The following DDIT3 variants were observed in gnomAD, a reference collection of about 807,000 sequenced individuals.
The protein encoded by DDIT3 is DNA damage inducible transcript 3.
In DDIT3, 14 loss-of-function variants were observed where a neutral mutation model predicts 17.6. That is an observed-to-expected ratio of 0.80 (90% CI 0.53 to 1.25). DDIT3 has a LOEUF of 1.25. Ranked by LOEUF, DDIT3 falls within the 50% of genes most tolerant of loss-of-function variation. The pLI is 0.00. For synonymous variants in DDIT3, 93 were observed against 76.5 expected (o/e 1.22, Z -1.13); for missense variants, 216 against 202.7 (o/e 1.07, Z -0.40).
At position 57,517,187 on chromosome 12, in the gene DDIT3, G is replaced by C; in HGVS notation, c.139-7C>G. On this transcript the variant is annotated splice_region_variant and splice_polypyrimidine_tract_variant and intron_variant, in intron 3 of 3. Coordinates refer to ENST00000346473, the MANE Select transcript of DDIT3 (RefSeq NM_004083.6). Reference sequence around the variant, plus strand: ...TGAAGATTTTTGATTCTTCCTTCAAGGAAATGAGGAAAGGGAACATAGATA... The same window carrying C: ...TGAAGATTTTTGATTCTTCCTTCAACGAAATGAGGAAAGGGAACATAGATA... 6.2e-7 allele frequency: 1 copy of C among 1,606,952 alleles called. No homozygotes were observed. The highest frequency in any genetic ancestry group is 8.5e-7 in the Non-Finnish European group (1 of 1,175,060).
chr12:57,517,075 A>G lies in DDIT3; in HGVS notation c.244T>C (p.Ser82Pro). The change falls in exon 4 of 4, where the codon TCT becomes CCT. Residue 82 changes from serine to proline, a missense_variant. Physicochemically the swap from Ser to Pro is moderately conservative, Grantham distance 74. Coordinates refer to ENST00000346473, the MANE Select transcript of DDIT3 (RefSeq NM_004083.6). ...EVTSTSQSPH[S>P]PDSSQSSLAQ... ...AGGGAGCTCTGACTGGAATCTGGAG[A>G]GTGAGGGCTCTGGGAGGTGCTTGTG... 1 of 1,613,796 alleles carries G rather than the reference A, an allele frequency of 6.2e-7. No individual in the cohort carries two copies. The highest frequency in any genetic ancestry group is 1.1e-5 in the South Asian group (1 of 91,068).
chr12:57,520,492 T>C lies in DDIT3; in HGVS notation c.-155A>G, dbSNP rs1878230830. The C allele has an allele frequency of 5.0e-6, 2 of 398,532 alleles. No homozygotes were observed. Among genetic ancestry groups the C allele is most frequent in the South Asian group, 1.3e-4 (1 of 7,874 alleles). The allele number at this position is 398,532 out of a possible 1,614,324, so 24.7% of individuals were successfully genotyped here. A position where few individuals can be genotyped will look rare whatever the true frequency, so the allele number is the denominator to read the frequency against. ...CTCATCTTTAACATGATACGCTCAGTGCCTTAGACTTAAGTCTCTGACCTC... is the reference window on the plus strand; with the variant it reads ...CTCATCTTTAACATGATACGCTCAGCGCCTTAGACTTAAGTCTCTGACCTC... On this transcript the variant is annotated 5_prime_UTR_variant, in exon 1 of 4. Transcript: ENST00000346473.
chr12:57,518,417 A>G (rs1190139048), intron 1 of DDIT3, among the ~76,000 whole-genome samples: 1 of 152,222 alleles, frequency 6.6e-6, no homozygotes, highest in Non-Finnish European at 1.5e-5. Context: ...CTCCAAATGT[A>G]CATTTCCAGT....
chr12:57,517,333 A>C lies in DDIT3; in HGVS notation c.74T>G (p.Leu25Arg). The C allele has an allele frequency of 6.2e-7, 1 of 1,614,036 alleles. No individual in the cohort carries two copies. Among genetic ancestry groups the C allele is most frequent in the Non-Finnish European group, 8.5e-7 (1 of 1,180,028 alleles). The change falls in exon 3 of 4, where the codon CTG becomes CGG. Residue 25 changes from leucine to arginine, a missense_variant. Transcript: ENST00000346473. ...SWELEAWYED[L>R]QEVLSSDENG... is the part of the protein sequence containing the mutation. ...TTCATCTGAAGACAGGACCTCTTGC[A>C]GGTCCTCATACCAGGCTTCCAGCTC...
rs1196505081 is a variant in DDIT3 at position 57,517,181 on chromosome 12, C to A, written c.139-1G>T. ...GAGTGGTGAAGATTTTTGATTCTTC[C>A]TTCAAGGAAATGAGGAAAGGGAACA... On this transcript the variant is annotated splice_acceptor_variant, in intron 3 of 3. Transcript: ENST00000346473. LOFTEE classifies it high-confidence loss of function. 1 of 1,606,708 alleles carries A rather than the reference C, an allele frequency of 6.2e-7. No homozygotes were observed. The highest frequency in any genetic ancestry group is 1.3e-5 in the African/African-American group (1 of 74,656).
chr12:57,520,263 G>T (rs1160211721), intron 1 of DDIT3, among the ~76,000 whole-genome samples, 155 bp downstream of exon 1: 1 of 152,186 alleles, frequency 6.6e-6, no homozygotes, highest in East Asian at 1.9e-4. Flanking sequence ...AGCAATAGGG[G>T]TTTGTAAGCA....
rs1368059244 is a variant in DDIT3 at position 57,516,873 on chromosome 12, G to C, written c.446C>G (p.Thr149Ser). The C allele has an allele frequency of 6.2e-7, 1 of 1,613,548 alleles. No individual in the cohort carries two copies. Among genetic ancestry groups the C allele is most frequent in the South Asian group, 1.1e-5 (1 of 91,088 alleles). The part of the protein sequence containing the change: ...ERLKQEIERL[T>S]REVEATRRAL... ...TCGGCGAGTCGCCTCTACTTCCCTG[G>C]TCAGGCGCTCGATTTCCTGCTTGAG... The change falls in exon 4 of 4, where the codon ACC becomes AGC. Residue 149 changes from threonine to serine, a missense_variant. Physicochemically the swap from Thr to Ser is moderately conservative, Grantham distance 58. Transcript: ENST00000346473.
intron 1 of DDIT3, among the ~76,000 whole-genome samples, chr12:57,519,434 C>T (rs909327840): frequency 2.2e-4 from 33 of 152,170 alleles, no homozygotes; most frequent in African/African-American, 7.7e-4. Flanking sequence ...CTGTGTGGCA[C>T]ACAGTAGGTC....
chr12:57,516,895 T>C lies in DDIT3; in HGVS notation c.424A>G (p.Lys142Glu). 1 of 1,614,106 alleles carries C rather than the reference T, an allele frequency of 6.2e-7. No individual in the cohort carries two copies. The highest frequency in any genetic ancestry group is 8.5e-7 in the Non-Finnish European group (1 of 1,180,040). The change falls in exon 4 of 4, where the codon AAG (lysine) becomes GAG (glutamate). Residue 142 changes from lysine to glutamate, a missense_variant. By Grantham distance (56) the Lys-to-Glu change is moderately conservative (BLOSUM62 1). Coordinates refer to ENST00000346473, the MANE Select transcript of DDIT3 (RefSeq NM_004083.6). ...AQLAEENERL[K>E]QEIERLTREV... Reference sequence around the variant, plus strand: ...CTGGTCAGGCGCTCGATTTCCTGCTTGAGCCGTTCATTCTCTTCAGCTAGC... The same window carrying C: ...CTGGTCAGGCGCTCGATTTCCTGCTCGAGCCGTTCATTCTCTTCAGCTAGC...
At position 57,516,687 on chromosome 12, in the gene DDIT3, C is replaced by G; in HGVS notation, c.*122G>C. On this transcript the variant is annotated 3_prime_UTR_variant, in exon 4 of 4. Transcript: ENST00000346473. ...ACCTTTCCTTTTGTCTACTCCAAGC[C>G]TTCCCCCTGCGTATGTGGGATTGAG... The G allele has an allele frequency of 6.5e-7, 1 of 1,527,270 alleles. No homozygotes were observed. The highest frequency in any genetic ancestry group is 8.8e-7 in the Non-Finnish European group (1 of 1,138,658). The allele number at this position is 1,527,270 out of a possible 1,614,324, so 94.6% of individuals were successfully genotyped here.
intron 1 of DDIT3, among the ~76,000 whole-genome samples, chr12:57,518,108 G>A (rs1049727205): frequency 1.3e-5 from 2 of 151,762 alleles, no homozygotes; most frequent in African/African-American, 2.4e-5. Flanking sequence ...ATGAGCTACC[G>A]TGCTGGGCCC....
In DDIT3 at chr12:57,517,450, T is replaced by A. The variant is rs771876061; in HGVS notation, c.-32-12A>T. 6.2e-7 allele frequency: 1 copy of A among 1,601,142 alleles called. No individual in the cohort carries two copies. Among genetic ancestry groups the A allele is most frequent in the South Asian group, 1.1e-5 (1 of 91,068 alleles). On this transcript the variant is annotated splice_polypyrimidine_tract_variant and intron_variant, in intron 2 of 3. Transcript: ENST00000346473. Reference sequence around the variant, plus strand: ...CTGGAAAAGCACATCTGCAGGATAATGGGGAGTGGCTGGAACAAGCTCCAT... The same window carrying A: ...CTGGAAAAGCACATCTGCAGGATAAAGGGGAGTGGCTGGAACAAGCTCCAT...
chr12:57,516,865 C>T lies in DDIT3; in HGVS notation c.454G>A (p.Val152Ile). 1.2e-6 allele frequency: 2 copies of T among 1,613,618 alleles called. No homozygotes were observed. Among genetic ancestry groups the T allele is most frequent in the Non-Finnish European group, 1.7e-6 (2 of 1,180,040 alleles). ...ATCAGAGCTCGGCGAGTCGCCTCTA[C>T]TTCCCTGGTCAGGCGCTCGATTTCC... is the stretch of plus-strand genomic sequence containing the variant. The part of the protein sequence containing the change: ...KQEIERLTRE[V>I]EATRRALIDR... Residue 152 changes from valine (V) to isoleucine (I), a missense_variant, in exon 4 of 4, where the codon GTA becomes ATA. Transcript: ENST00000346473.
rs35405310 is a variant in DDIT3, at chr12:57,517,055, G to A, written c.264C>T (p.Ser88=). ...QSPHSPDSSQ[S]SLAQEEEEED... is the part of the protein sequence containing the mutation. The stretch of plus-strand genomic sequence containing the variant: ...CCTCCTCTTCCTCCTGAGCCAGGGA[G>A]CTCTGACTGGAATCTGGAGAGTGAG... The change falls in exon 4 of 4, where the codon AGC becomes AGT. Residue 88 remains serine (S), a synonymous_variant. Coordinates refer to ENST00000346473, the MANE Select transcript of DDIT3 (RefSeq NM_004083.6). The A allele has an allele frequency of 3.6e-4, 575 of 1,614,174 alleles. 3 individuals carry two copies. The African/African-American group carries it at 5.9e-3, about 16-fold the overall frequency.
chr12:57,519,394 C>T (rs982683356), intron 1 of DDIT3: 1 of 367,630 alleles, frequency 2.7e-6, no homozygotes, highest in Non-Finnish European at 5.4e-6. Flanking sequence ...ATTTTTTCCT[C>T]TTGCTCAAGG....
In DDIT3 at chr12:57,516,714, G is replaced by A. The variant is rs1833074371; in HGVS notation, c.*95C>T. 2 of 1,541,938 alleles carry A rather than the reference G, an allele frequency of 1.3e-6. No individual in the cohort carries two copies. The highest frequency in any genetic ancestry group is 8.7e-7 in the Non-Finnish European group (1 of 1,145,222). ...TCCCCCTGCGTATGTGGGATTGAGG[G>A]TCACATCATTGGCACTAGTGAGAGG... is the stretch of plus-strand genomic sequence containing the variant. On this transcript the variant is annotated 3_prime_UTR_variant, in exon 4 of 4. Coordinates refer to ENST00000346473, the MANE Select transcript of DDIT3 (RefSeq NM_004083.6).
In DDIT3 at chr12:57,517,302, C is replaced by T. The variant is rs187176445; in HGVS notation, c.105G>A (p.Gly35=). 177 of 1,614,098 alleles carry T rather than the reference C, an allele frequency of 1.1e-4. 1 individual carries two copies. In the East Asian group the frequency reaches 3.7e-3, roughly 34 times the overall value. ...LQEVLSSDEN[G]GTYVSPPGNE... ...TTCCAGGAGGTGAAACATAGGTACC[C>T]CCATTTTCATCTGAAGACAGGACCT... Residue 35 remains glycine, a synonymous_variant, in exon 3 of 4, where the codon GGG becomes GGA. Transcript: ENST00000346473.
rs1044207585 is a variant in DDIT3 at position 57,517,444 on chromosome 12, G to C, written c.-32-6C>G. The stretch of plus-strand genomic sequence containing the variant: ...ATCAGTCTGGAAAAGCACATCTGCA[G>C]GATAATGGGGAGTGGCTGGAACAAG... On this transcript the variant is annotated splice_polypyrimidine_tract_variant and splice_region_variant and intron_variant, in intron 2 of 3. Coordinates refer to ENST00000346473, the MANE Select transcript of DDIT3 (RefSeq NM_004083.6). 6.2e-6 allele frequency: 10 copies of C among 1,601,600 alleles called. No homozygotes were observed. The East Asian group carries it at 6.7e-5, about 11-fold the overall frequency.
At chr12:57,519,196 C>T (rs1878103236) in intron 1 of DDIT3, 1 of 533,256 alleles carries the variant, frequency 1.9e-6, no homozygotes, top group Non-Finnish European at 3.8e-6. Context: ...CTCAAACCCT[C>T]CAATGACTTC....
Sources: gnomAD v4.1 joint callset for allele counts (sites outside exome capture counted in the v4.1 genomes callset) on GRCh38, gnomAD v4.1.1 for gene constraint, MANE v1.5 for transcripts, NCBI Gene and HGNC (gene_info 2026-07-23, HGNC 2026-07-21) for gene names.